ULK4: variants seen among roughly 807,000 people sequenced by gnomAD.
ULK4 encodes inactive serine/threonine-protein kinase ULK4.
A neutral mutation model predicts 160.6 loss-of-function variants in ULK4; 133 were observed. That is an observed-to-expected ratio of 0.83 (90% CI 0.72 to 0.96). ULK4 has a LOEUF of 0.96. Among genes scored for constraint, ULK4 ranks in the 40% least tolerant of loss-of-function variants. The probability of loss-of-function intolerance (pLI) is 0.00; values close to 1 mark genes in which losing one functional copy is unlikely to be tolerated. For synonymous variants in ULK4, 534 were observed against 539.8 expected (o/e 0.99, Z 0.15); for missense variants, 1,580 against 1,499.5 (o/e 1.05, Z -0.89).
intron 35 of ULK4, among the ~76,000 whole-genome samples, chr3:41,293,185 T>A (rs918041936): frequency 6.6e-6 from 1 of 152,024 alleles, no homozygotes; most frequent in African/African-American, 2.4e-5. Context: ...CAAGGAAGGT[T>A]ATCATTTAGA....
intron 35 of ULK4, among the ~76,000 whole-genome samples, chr3:41,254,064 C>T (rs1575356542): frequency 6.6e-6 from 1 of 152,068 alleles, no homozygotes; most frequent in East Asian, 1.9e-4. Context: ...TTTCAAAACT[C>T]CTCTCATGAT....
At chr3:41,705,573 CA>C (rs1268082429) in intron 25 of ULK4, among the ~76,000 whole-genome samples, 1 of 151,858 alleles carries the variant, frequency 6.6e-6, no homozygotes, top group Non-Finnish European at 1.5e-5. Flanking sequence ...CTCGGCTCAC[CA>C]AAACCTCTGC....
rs536028780 is a variant in ULK4, at chr3:41,800,201, T to G, written c.1941A>C (p.Glu647Asp). The G allele has an allele frequency of 6.2e-7, 1 of 1,613,864 alleles. No individual in the cohort carries two copies. The highest frequency in any genetic ancestry group is 1.7e-5 in the Admixed American group (1 of 59,948). The change falls in exon 20 of 37, where the codon GAA (glutamate) becomes GAC (aspartate). Residue 647 changes from glutamate (E) to aspartate (D), a missense_variant. Coordinates refer to ENST00000301831, the MANE Select transcript of ULK4 (RefSeq NM_017886.4). ...ATAGGTACCACAAAATGGGTCCTAT[T>G]TCTCCTGTAATAAAGCCCTGGGACT... is the stretch of plus-strand genomic sequence containing the variant. The part of the protein sequence containing the change: ...SAQSQGFITG[E>D]IGPILWYLFR...
At chr3:41,690,062 C>T (rs564540471) in intron 27 of ULK4, among the ~76,000 whole-genome samples, 2 of 147,778 alleles carry the variant, frequency 1.4e-5, no homozygotes, top group Non-Finnish European at 3.0e-5. Flanking sequence ...CAATGATAGA[C>T]TGGATTAAGA....
At chr3:41,773,870 A>G (rs1055832668) in intron 21 of ULK4, among the ~76,000 whole-genome samples, 26 of 152,212 alleles carry the variant, frequency 1.7e-4, no homozygotes, top group Admixed American at 1.4e-3. Flanking sequence ...GTACCAAAAC[A>G]GAGATATAGA....
chr3:41,856,852 T>G (rs1006135066), intron 17 of ULK4, among the ~76,000 whole-genome samples: 1 of 151,712 alleles, frequency 6.6e-6, no homozygotes, highest in African/African-American at 2.4e-5. Flanking sequence ...GAAGTTGCAG[T>G]GAGCCCAGAC....
intron 17 of ULK4, chr3:41,859,543 C>A: frequency 1.8e-6 from 1 of 543,158 alleles, no homozygotes; most frequent in South Asian, 1.4e-5. Flanking sequence ...GCCAACGAAG[C>A]CCCAGAACAT....
intron 16 of ULK4, among the ~76,000 whole-genome samples, chr3:41,887,784 A>G (rs557318333): frequency 0.016 from 96 of 6,192 alleles, 1 homozygote; most frequent in African/African-American, 0.017. Flanking sequence ...TCATGCCACT[A>G]CTGCACTCCC....
intron 30 of ULK4, among the ~76,000 whole-genome samples, chr3:41,652,982 G>T (rs1027238432): frequency 1.3e-5 from 2 of 152,120 alleles, no homozygotes; most frequent in Non-Finnish European, 2.9e-5. Context: ...GAAGACAATG[G>T]CACAGTATAC....
rs570189646 is a variant in ULK4, at chr3:41,829,971, A to G, written c.1764+5893T>C. Among the ~76,000 whole-genome samples the G allele has an allele frequency of 2.4e-3, 369 of 152,034 alleles. 1 individual carries two copies. Among genetic ancestry groups the G allele is most frequent in the African/African-American group, 8.0e-3 (329 of 41,374 alleles). ...CCATGGAATACTATGCAGCCATAAA[A>G]AATGATGAGTTCATGTCCTTTGTAG... On this transcript the variant is annotated intron_variant, in intron 18 of 36. Coordinates refer to ENST00000301831, the MANE Select transcript of ULK4 (RefSeq NM_017886.4).
intron 30 of ULK4, among the ~76,000 whole-genome samples, chr3:41,637,141 T>G (rs901357731): frequency 2.6e-5 from 4 of 152,164 alleles, no homozygotes; most frequent in African/African-American, 9.7e-5. Context: ...AGTCACCAGG[T>G]TGGACATTAC....
At chr3:41,852,797 AG>A (rs2042248940) in intron 17 of ULK4, among the ~76,000 whole-genome samples, 1 of 152,186 alleles carries the variant, frequency 6.6e-6, no homozygotes, top group South Asian at 2.1e-4. Flanking sequence ...CCCATAGTGT[AG>A]TATCAAATAG....
intron 30 of ULK4, among the ~76,000 whole-genome samples, chr3:41,622,171 A>G (rs2033274139): frequency 6.6e-6 from 1 of 152,218 alleles, no homozygotes; most frequent in Non-Finnish European, 1.5e-5. Flanking sequence ...TGGGAGTGTA[A>G]ATTACTTCAA....
intron 21 of ULK4, among the ~76,000 whole-genome samples, chr3:41,755,535 C>G (rs1368430060): frequency 1.3e-5 from 2 of 152,102 alleles, no homozygotes; most frequent in Non-Finnish European, 1.5e-5. Flanking sequence ...AGCAACTAGA[C>G]AGTAGAAAAT....
chr3:41,265,117 G>C (rs1184144464), intron 35 of ULK4, among the ~76,000 whole-genome samples: 4 of 152,222 alleles, frequency 2.6e-5, no homozygotes, highest in Non-Finnish European at 5.9e-5. Context: ...GTGGAGGCTG[G>C]GCCAGCACTG....
chr3:41,886,654 C>A (rs576461832), intron 16 of ULK4, among the ~76,000 whole-genome samples: 12 of 151,810 alleles, frequency 7.9e-5, no homozygotes, highest in African/African-American at 2.7e-4. Flanking sequence ...CAGCTCACTG[C>A]ACCCTCCGCC....
intron 2 of ULK4, among the ~76,000 whole-genome samples, chr3:41,953,285 C>CACACACATAT (rs374288098): frequency 1.2e-5 from 1 of 85,942 alleles, no homozygotes; most frequent in East Asian, 3.7e-4. Context: ...CATATATACA[C>CACACACATAT]ATATATATAT....
intron 32 of ULK4, among the ~76,000 whole-genome samples, chr3:41,487,921 C>G (rs548588109): frequency 2.3e-4 from 35 of 152,086 alleles, no homozygotes; most frequent in African/African-American, 8.2e-4. Context: ...AAGAAAAAGA[C>G]AAATACCCCA....
intron 17 of ULK4, chr3:41,854,173 A>C: frequency 6.6e-6 from 1 of 152,228 alleles, no homozygotes; most frequent in East Asian, 1.9e-4. Flanking sequence ...AATGTTGAGA[A>C]CCACTGCCAG....
Sources: gnomAD v4.1 joint callset for allele counts (sites outside exome capture counted in the v4.1 genomes callset) on GRCh38, gnomAD v4.1.1 for gene constraint, MANE v1.5 for transcripts, NCBI Gene and HGNC (gene_info 2026-07-23, HGNC 2026-07-21) for gene names.